LCMT1: variants seen among roughly 807,000 people sequenced by gnomAD.
LCMT1 encodes the protein leucine carboxyl methyltransferase 1, also known as [Phosphatase 2A protein]-leucine-carboxy methyltransferase 1.
In LCMT1, 32 loss-of-function variants were observed where a neutral mutation model predicts 47.7. The ratio of observed to expected loss-of-function variants is 0.67; its 90% CI spans 0.51 to 0.90. LCMT1 has a LOEUF of 0.90. Among genes scored for constraint, LCMT1 ranks in the 40% least tolerant of loss-of-function variants. The pLI is 0.00. For synonymous variants in LCMT1, 152 were observed against 149.7 expected, an observed-to-expected ratio of 1.02 and a Z score of -0.11; for missense variants, 375 against 415.2, an observed-to-expected ratio of 0.90 and a Z score of 0.84.
chr16:25,164,615 T>G lies in LCMT1; in HGVS notation c.587T>G (p.Ile196Arg). 2 of 1,613,982 alleles carry G rather than the reference T, an allele frequency of 1.2e-6. No individual in the cohort carries two copies. The highest frequency in any genetic ancestry group is 1.7e-6 in the Non-Finnish European group (2 of 1,179,872). Reference sequence around the variant, plus strand: ...TCTTTAAGATTGCCAACACTCCTGATAGCTGAATGTGTGCTGGTTTACATG... The same window carrying G: ...TCTTTAAGATTGCCAACACTCCTGAGAGCTGAATGTGTGCTGGTTTACATG... ...NMNTQLPTLLIAECVLVYMTP... is the reference protein window; with the variant it reads ...NMNTQLPTLLRAECVLVYMTP... The change falls in exon 7 of 11, where the codon ATA becomes AGA. Residue 196 changes from isoleucine (I) to arginine (R), a missense_variant. By Grantham distance (97) the Ile-to-Arg change is moderately conservative. Coordinates refer to ENST00000399069, the MANE Select transcript of LCMT1 (RefSeq NM_016309.3).
intron 5 of LCMT1, among the ~76,000 whole-genome samples, chr16:25,156,937 T>G (rs1165703096): frequency 6.8e-6 from 1 of 146,200 alleles, no homozygotes; most frequent in African/African-American, 2.5e-5. Flanking sequence ...GTCTCCATTT[T>G]ACCTTTTTTT....
chr16:25,132,429 G>A lies in LCMT1; in HGVS notation c.233G>A (p.Ser78Asn). The A allele has an allele frequency of 6.2e-7, 1 of 1,613,804 alleles. No homozygotes were observed. The highest frequency in any genetic ancestry group is 8.5e-7 in the Non-Finnish European group (1 of 1,179,842). ...RGYFARVHGV[S>N]QLIKAFLRKT... Reference sequence around the variant, plus strand: ...TATTTTGCTCGAGTCCATGGTGTCAGTCAGCTTATAAAGGCATTTCTACGG... The same window carrying A: ...TATTTTGCTCGAGTCCATGGTGTCAATCAGCTTATAAAGGCATTTCTACGG... Residue 78 changes from serine (S) to asparagine (N), a missense_variant, in exon 3 of 11, where the codon AGT becomes AAT. Coordinates refer to ENST00000399069, the MANE Select transcript of LCMT1 (RefSeq NM_016309.3).
intron 5 of LCMT1, among the ~76,000 whole-genome samples, chr16:25,155,462 C>T (rs1311775830): frequency 6.6e-6 from 1 of 151,860 alleles, no homozygotes; most frequent in Non-Finnish European, 1.5e-5. Flanking sequence ...CAGGAGGATA[C>T]CTTTAGCCCA....
chr16:25,118,920 T>G (rs752683196), intron 1 of LCMT1, among the ~76,000 whole-genome samples: 3 of 151,730 alleles, frequency 2.0e-5, no homozygotes, highest in Non-Finnish European at 4.4e-5. Context: ...TTCCTCTCAG[T>G]GGGGTGGGAG....
chr16:25,158,562 C>T (rs754431623), intron 5 of LCMT1, among the ~76,000 whole-genome samples: 3 of 150,404 alleles, frequency 2.0e-5, no homozygotes, highest in African/African-American at 7.4e-5. Context: ...ACCAAGTTAT[C>T]TTTCCCACCA....
At chr16:25,144,662 A>G (rs908847054) in intron 4 of LCMT1, 1 of 152,236 alleles carries the variant, frequency 6.6e-6, no homozygotes, top group African/African-American at 2.4e-5. Context: ...CTTGACTTCT[A>G]ACCCAGTCTG....
rs780111078 is a variant in LCMT1 at position 25,132,442 on chromosome 16, G to A, written c.246G>A (p.Lys82=). ...TCCATGGTGTCAGTCAGCTTATAAA[G>A]GCATTTCTACGGAAGACAGAATGTC... ...ARVHGVSQLI[K]AFLRKTECHC... Residue 82 remains lysine (K), a synonymous_variant, in exon 3 of 11, where the codon AAG becomes AAA. Transcript: ENST00000399069. The A allele has an allele frequency of 1.9e-6, 3 of 1,613,864 alleles. No homozygotes were observed. The South Asian group carries it at 3.3e-5, about 18-fold the overall frequency.
At chr16:25,144,006 A>G (rs1292542944) in intron 4 of LCMT1, 1 of 152,194 alleles carries the variant, frequency 6.6e-6, no homozygotes, top group Non-Finnish European at 1.5e-5. Context: ...ATTAAGGCCA[A>G]CACATTGCTG....
chr16:25,124,888 T>TAGC lies in LCMT1; in HGVS notation c.114-3585_114-3584insCAG, dbSNP rs57239584. ...TTAGCTATTTATTACAGTGTTGTGT[T>TAGC]AGAAAATGTTAGGCAGCACCTCAAA... On this transcript the variant is annotated intron_variant, in intron 1 of 10. Coordinates refer to ENST00000399069, the MANE Select transcript of LCMT1 (RefSeq NM_016309.3). Among the ~76,000 whole-genome samples, 540 of 152,286 alleles carry TAGC rather than the reference T, an allele frequency of 3.5e-3. 3 individuals are homozygous for TAGC. Among genetic ancestry groups the TAGC allele is most frequent in the African/African-American group, 0.012 (517 of 41,550 alleles).
chr16:25,170,723 C>T lies in LCMT1; in HGVS notation c.802C>T (p.Leu268Phe). Reference protein sequence around the residue: ...CKSLESQKERLLSNGWETASA... With the variant: ...CKSLESQKERFLSNGWETASA... ...TCGTTGCACATTTTAGAAAGAACGG[C>T]TCCTGTCGAATGGGTGGGAAACAGC... Residue 268 changes from leucine to phenylalanine, a missense_variant, in exon 9 of 11, where the codon CTC becomes TTC. Transcript: ENST00000399069. 1 of 1,613,256 alleles carries T rather than the reference C, an allele frequency of 6.2e-7. No homozygotes were observed. Among genetic ancestry groups the T allele is most frequent in the South Asian group, 1.1e-5 (1 of 91,020 alleles).
At chr16:25,127,278 T>G (rs1960218626) in intron 1 of LCMT1, among the ~76,000 whole-genome samples, 1 of 152,258 alleles carries the variant, frequency 6.6e-6, no homozygotes, top group Non-Finnish European at 1.5e-5. Context: ...ATTGTATTAA[T>G]GGGTCATGAC....
intron 8 of LCMT1, 143 bp downstream of exon 8, chr16:25,169,356 CTAGT>C: frequency 1.7e-6 from 1 of 602,862 alleles, no homozygotes. Flanking sequence ...ATGTGGGCCG[CTAGT>C]TCATGATGCT....
intron 2 of LCMT1, among the ~76,000 whole-genome samples, chr16:25,131,344 T>C (rs1462638326): frequency 6.6e-6 from 1 of 152,260 alleles, no homozygotes; most frequent in Non-Finnish European, 1.5e-5. Context: ...TCTTCTACCC[T>C]GTATTTGAAC....
At chr16:25,147,156 T>G (rs994883589) in intron 4 of LCMT1, 1 of 152,210 alleles carries the variant, frequency 6.6e-6, no homozygotes, top group Non-Finnish European at 1.5e-5. Flanking sequence ...ATCTCTAAAC[T>G]TACCAGGATC....
intron 4 of LCMT1, chr16:25,144,941 C>T (rs1960805838): frequency 6.6e-6 from 1 of 152,222 alleles, no homozygotes; most frequent in Non-Finnish European, 1.5e-5. Flanking sequence ...TGACCCAGCT[C>T]AGTTTTTAGA....
intron 6 of LCMT1, among the ~76,000 whole-genome samples, chr16:25,162,812 A>G (rs771129283): frequency 1.3e-5 from 2 of 152,224 alleles, no homozygotes; most frequent in Non-Finnish European, 2.9e-5. Flanking sequence ...AAAAGATTTT[A>G]TCCCAAAATT....
intron 5 of LCMT1, among the ~76,000 whole-genome samples, chr16:25,156,795 G>C (rs1961269332): frequency 6.6e-6 from 1 of 152,144 alleles, no homozygotes; most frequent in Non-Finnish European, 1.5e-5. Context: ...TGGATTTTAA[G>C]CCCCATGAGG....
chr16:25,113,878 C>T (rs1025898712), intron 1 of LCMT1, among the ~76,000 whole-genome samples: 4 of 152,188 alleles, frequency 2.6e-5, no homozygotes, highest in Admixed American at 1.3e-4. Context: ...TCAAGTGATC[C>T]GCTCGCCTTG....
intron 5 of LCMT1, among the ~76,000 whole-genome samples, chr16:25,157,324 C>G (rs1001380687): frequency 1.3e-5 from 2 of 151,956 alleles, no homozygotes; most frequent in African/African-American, 4.8e-5. Flanking sequence ...CAGGAGGATC[C>G]CTTGAGCCCA....
Sources: gnomAD v4.1 joint callset for allele counts (sites outside exome capture counted in the v4.1 genomes callset) on GRCh38, gnomAD v4.1.1 for gene constraint, MANE v1.5 for transcripts, NCBI Gene and HGNC (gene_info 2026-07-23, HGNC 2026-07-21) for gene names.